The following FGF14 variants were observed in gnomAD, a reference collection of about 807,000 sequenced individuals.
The protein encoded by FGF14 is fibroblast growth factor homologous factor 4.
Under a neutral mutation model 25.5 loss-of-function variants are expected in FGF14, and 5 were observed. That is an observed-to-expected ratio of 0.20 (90% CI 0.10 to 0.41). FGF14 has a LOEUF of 0.41. FGF14 is among the 10% of genes least tolerant of loss of function. The pLI is 1.00. For synonymous variants in FGF14, 138 were observed against 118.3 expected (o/e 1.17, Z -1.08); for missense variants, 222 against 320.1 (o/e 0.69, Z 2.34).
intron 1 of FGF14, among the ~76,000 whole-genome samples, chr13:102,327,664 G>A (rs977363411): frequency 7.9e-5 from 12 of 151,930 alleles, no homozygotes; most frequent in Admixed American, 7.9e-4. Context: ...GTGAGACCCT[G>A]CCTCTACAAA....
chr13:102,259,613 T>A (rs1804998033), intron 1 of FGF14, among the ~76,000 whole-genome samples: 1 of 152,044 alleles, frequency 6.6e-6, no homozygotes, highest in South Asian at 2.1e-4. Flanking sequence ...CTCCCCCCCA[T>A]CCACTCTTTG....
chr13:101,827,560 A>G (rs1429349670), intron 3 of FGF14, among the ~76,000 whole-genome samples: 2 of 151,890 alleles, frequency 1.3e-5, no homozygotes, highest in Non-Finnish European at 2.9e-5. Context: ...TATTCATAAG[A>G]TATATATAAA....
chr13:101,883,253 A>G (rs1456253025), intron 1 of FGF14, among the ~76,000 whole-genome samples: 1 of 152,162 alleles, frequency 6.6e-6, no homozygotes, highest in Non-Finnish European at 1.5e-5. Flanking sequence ...ATTTTTATTT[A>G]TTAAGGCTTA....
Position 101,713,308 on chromosome 13 carries a change from CTG to C in FGF14, c.*9521_*9522del, listed in dbSNP as rs1393049175. The stretch of plus-strand genomic sequence containing the variant: ...CAGGCTGTTAACTCATTTTTAATCA[CTG>C]TGTTTTAAAAGAAGCACTAATGATT... On this transcript the variant is annotated 3_prime_UTR_variant, in exon 5 of 5. Transcript: ENST00000376143. 6.6e-6 allele frequency: 1 copy of C among 152,166 alleles called. No homozygotes were observed. Among genetic ancestry groups the C allele is most frequent in the African/African-American group, 2.4e-5 (1 of 41,446 alleles). 9.4% of individuals were successfully genotyped at this position (152,166 alleles called of 1,614,324 possible). A position where few individuals can be genotyped will look rare whatever the true frequency, so the allele number is the denominator to read the frequency against.
chr13:101,870,934 T>C (rs909760008), intron 2 of FGF14, among the ~76,000 whole-genome samples: 2 of 151,950 alleles, frequency 1.3e-5, no homozygotes, highest in African/African-American at 4.8e-5. Context: ...GCCTGGGCAA[T>C]GAGCGAAACT....
At chr13:102,341,113 A>C (rs1269766913) in intron 1 of FGF14, among the ~76,000 whole-genome samples, 2 of 151,982 alleles carry the variant, frequency 1.3e-5, no homozygotes, top group African/African-American at 2.4e-5. Flanking sequence ...AAAAGGGGGG[A>C]AAAAAGACTC....
chr13:102,248,203 T>C (rs1168966424), intron 1 of FGF14, among the ~76,000 whole-genome samples: 1 of 152,162 alleles, frequency 6.6e-6, no homozygotes, highest in Non-Finnish European at 1.5e-5. Context: ...CACGAGTTTA[T>C]CTATTTAACA....
chr13:101,973,445 T>C (rs1379223621), intron 1 of FGF14, among the ~76,000 whole-genome samples: 2 of 152,178 alleles, frequency 1.3e-5, no homozygotes, highest in African/African-American at 4.8e-5. Context: ...GTCAATGTTC[T>C]CTAGAGCGAC....
intron 1 of FGF14, among the ~76,000 whole-genome samples, chr13:102,018,389 C>G (rs948186187): frequency 6.6e-6 from 1 of 152,046 alleles, no homozygotes; most frequent in African/African-American, 2.4e-5. Context: ...GTAGCTTTAC[C>G]TTTCCTATTT....
intron 1 of FGF14, among the ~76,000 whole-genome samples, chr13:101,977,191 C>A (rs2037979416): frequency 7.7e-6 from 1 of 130,430 alleles, no homozygotes; most frequent in African/African-American, 2.7e-5. Flanking sequence ...ATCCCTCATG[C>A]CCAGGACCCA....
At chr13:101,772,666 A>C (rs2038853116) in intron 3 of FGF14, among the ~76,000 whole-genome samples, 1 of 152,156 alleles carries the variant, frequency 6.6e-6, no homozygotes, top group Non-Finnish European at 1.5e-5. Flanking sequence ...TTAAACAGAT[A>C]CATTATGTGG....
intron 1 of FGF14, among the ~76,000 whole-genome samples, chr13:102,322,452 T>C (rs1052571645): frequency 6.6e-6 from 1 of 152,158 alleles, no homozygotes; most frequent in African/African-American, 2.4e-5. Flanking sequence ...CTGCCATGAT[T>C]TTAATGGCTG....
At chr13:102,079,403 T>C (rs1217384696) in intron 1 of FGF14, among the ~76,000 whole-genome samples, 1 of 152,310 alleles carries the variant, frequency 6.6e-6, no homozygotes, top group South Asian at 2.1e-4. Flanking sequence ...AAATAAGTTA[T>C]TCATTGATCT....
intron 3 of FGF14, among the ~76,000 whole-genome samples, chr13:101,851,081 C>A (rs1164054694): frequency 2.0e-5 from 3 of 151,998 alleles, no homozygotes; most frequent in Non-Finnish European, 1.5e-5. Context: ...TGAAACATGA[C>A]AGTACTCAGA....
chr13:102,166,678 T>C (rs1368743233), intron 1 of FGF14, among the ~76,000 whole-genome samples: 1 of 152,172 alleles, frequency 6.6e-6, no homozygotes, highest in Admixed American at 6.5e-5. Flanking sequence ...GTGGGTTTGA[T>C]ATGTTTCATT....
At chr13:101,791,534 C>T (rs2040231025) in intron 3 of FGF14, among the ~76,000 whole-genome samples, 1 of 152,086 alleles carries the variant, frequency 6.6e-6, no homozygotes, top group Non-Finnish European at 1.5e-5. Flanking sequence ...AGGCTTCTTG[C>T]TAATATTACT....
intron 1 of FGF14, among the ~76,000 whole-genome samples, chr13:102,230,011 T>C (rs1341514864): frequency 1.3e-5 from 2 of 152,144 alleles, no homozygotes; most frequent in African/African-American, 4.8e-5. Flanking sequence ...TCCTCCAAAA[T>C]TTACGTATTG....
chr13:102,192,281 A>G (rs1432590665), intron 1 of FGF14, among the ~76,000 whole-genome samples: 1 of 152,076 alleles, frequency 6.6e-6, no homozygotes, highest in Non-Finnish European at 1.5e-5. Flanking sequence ...CCTTTATTTC[A>G]TCTCATTTGT....
chr13:102,364,749 G>A (rs2057661321), intron 1 of FGF14, among the ~76,000 whole-genome samples: 1 of 152,166 alleles, frequency 6.6e-6, no homozygotes, highest in African/African-American at 2.4e-5. Flanking sequence ...GCAGCCAGTG[G>A]TCAGAAACCA....
Sources: allele counts gnomAD v4.1 joint callset (sites outside exome capture counted in the v4.1 genomes callset), GRCh38; gene constraint gnomAD v4.1.1; transcripts MANE v1.5; gene names NCBI Gene and HGNC (gene_info 2026-07-23, HGNC 2026-07-21).